The following NXPE2 variants were observed in gnomAD, a reference collection of about 807,000 sequenced individuals.
NXPE2 encodes NXPE family member 2.
NXPE2 carries 34 observed loss-of-function variants against 34.4 expected under a neutral mutation model. The ratio of observed to expected loss-of-function variants is 0.99; its 90% CI spans 0.75 to 1.31. NXPE2 has a LOEUF of 1.31. NXPE2 is among the 40% of genes most tolerant of loss of function. The pLI is 0.00. For synonymous variants in NXPE2, 235 were observed against 231.3 expected, an observed-to-expected ratio of 1.02 and a Z score of -0.15; for missense variants, 649 against 672.5, an observed-to-expected ratio of 0.97 and a Z score of 0.39.
the NXPE2 span, among the ~76,000 whole-genome samples, chr11:114,505,783 G>T: frequency 2.6e-5 from 4 of 152,144 alleles, no homozygotes; most frequent in Non-Finnish European, 5.9e-5. Context: ...GAAGTACACA[G>T]AGCAGTGACA....
chr11:114,495,993 A>C, the NXPE2 span, among the ~76,000 whole-genome samples: 1 of 152,140 alleles, frequency 6.6e-6, no homozygotes, highest in South Asian at 2.1e-4. Context: ...CAGATGACAC[A>C]AGCACTCTCC....
At chr11:114,756,225 A>G in the NXPE2 span, among the ~76,000 whole-genome samples, 1 of 152,180 alleles carries the variant, frequency 6.6e-6, no homozygotes, top group Non-Finnish European at 1.5e-5. Context: ...AGGCCACAGA[A>G]GGAGACGATA....
the NXPE2 span, among the ~76,000 whole-genome samples, chr11:114,597,446 T>C: frequency 6.6e-6 from 1 of 152,198 alleles, no homozygotes; most frequent in Non-Finnish European, 1.5e-5. Flanking sequence ...TATATTAAAA[T>C]TAACCTTGTG....
chr11:114,807,004 T>C, the NXPE2 span, among the ~76,000 whole-genome samples: 1 of 152,048 alleles, frequency 6.6e-6, no homozygotes. Context: ...CGCCAGAAAC[T>C]CTACGAGCCA....
chr11:114,650,573 G>A, the NXPE2 span, among the ~76,000 whole-genome samples: 1 of 151,066 alleles, frequency 6.6e-6, no homozygotes, highest in African/African-American at 2.4e-5. Flanking sequence ...CAGGAAGTGA[G>A]AAAAAATCTA....
At chr11:114,514,761 C>G in the NXPE2 span, among the ~76,000 whole-genome samples, 1 of 152,090 alleles carries the variant, frequency 6.6e-6, no homozygotes, top group African/African-American at 2.4e-5. Flanking sequence ...CTTTATTCAG[C>G]AGTGTTTATT....
the NXPE2 span, among the ~76,000 whole-genome samples, chr11:114,669,008 A>G: frequency 4.8e-4 from 73 of 152,216 alleles, 1 homozygote; most frequent in South Asian, 0.013. Context: ...AGTGGTAGCC[A>G]TGAGGAATGG....
At chr11:114,721,421 A>G in the NXPE2 span, among the ~76,000 whole-genome samples, 1 of 152,108 alleles carries the variant, frequency 6.6e-6, no homozygotes, top group South Asian at 2.1e-4. Flanking sequence ...GTTTGTAACT[A>G]TATGGATACA....
chr11:114,691,492 G>A (rs182596252), intron 2 of NXPE2, among the ~76,000 whole-genome samples: 1 of 152,244 alleles, frequency 6.6e-6, no homozygotes, highest in African/African-American at 2.4e-5. Flanking sequence ...GCAGCTAGGG[G>A]CAGGGGCAGA....
At chr11:114,601,626 ATTATTTATAATTATAT>A in the NXPE2 span, among the ~76,000 whole-genome samples, 6 of 33,574 alleles carry the variant, frequency 1.8e-4, 1 homozygote, top group African/African-American at 5.4e-4. Context: ...TATATTATAT[ATTATTTATAATTATAT>A]ATAATTATAT....
the NXPE2 span, among the ~76,000 whole-genome samples, chr11:114,615,407 T>C: frequency 1.3e-5 from 2 of 151,552 alleles, no homozygotes; most frequent in African/African-American, 4.8e-5. Flanking sequence ...GTAACCACAG[T>C]TACCCTATGG....
chr11:114,663,586 C>CATCT, the NXPE2 span, among the ~76,000 whole-genome samples: 10,707 of 132,816 alleles, frequency 0.081, 576 homozygotes, highest in Middle Eastern at 0.12. Flanking sequence ...CTCTATCTAT[C>CATCT]ATCTATCTAT....
chr11:114,635,646 C>T, the NXPE2 span, among the ~76,000 whole-genome samples: 2 of 151,778 alleles, frequency 1.3e-5, no homozygotes, highest in African/African-American at 4.8e-5. Flanking sequence ...CCCATCAATA[C>T]CTAATTTATT....
the NXPE2 span, among the ~76,000 whole-genome samples, chr11:114,797,306 T>C: frequency 6.6e-6 from 1 of 152,064 alleles, no homozygotes; most frequent in Non-Finnish European, 1.5e-5. Flanking sequence ...TGACATGAAA[T>C]TAGAAAGGTG....
chr11:114,598,455 G>T, the NXPE2 span, among the ~76,000 whole-genome samples: 28 of 152,356 alleles, frequency 1.8e-4, no homozygotes, highest in Non-Finnish European at 3.8e-4. Flanking sequence ...CCTCCACACT[G>T]CCCTAGTAGA....
the NXPE2 span, chr11:114,554,338 C>T: frequency 2.0e-6 from 2 of 985,046 alleles, no homozygotes; most frequent in Non-Finnish European, 2.4e-6. Flanking sequence ...CTTTCCTCTT[C>T]CTACTTGTGT....
the NXPE2 span, chr11:114,582,667 C>G: frequency 6.2e-7 from 1 of 1,614,186 alleles, no homozygotes; most frequent in Non-Finnish European, 8.5e-7. Flanking sequence ...TTTCCTGAAG[C>G]ACCTGCCATC....
chr11:114,568,088 C>T, the NXPE2 span, among the ~76,000 whole-genome samples: 1 of 152,068 alleles, frequency 6.6e-6, no homozygotes, highest in African/African-American at 2.4e-5. Flanking sequence ...ATGGATTGCC[C>T]CTAGAAAGTG....
the NXPE2 span, among the ~76,000 whole-genome samples, chr11:114,603,331 T>A: frequency 6.6e-6 from 1 of 151,406 alleles, no homozygotes; most frequent in Admixed American, 6.6e-5. Context: ...TGATAAGTAT[T>A]GCCTCATCTC....
Sources: gnomAD v4.1 joint callset for allele counts (sites outside exome capture counted in the v4.1 genomes callset) on GRCh38, gnomAD v4.1.1 for gene constraint, MANE v1.5 for transcripts, NCBI Gene and HGNC (gene_info 2026-07-23, HGNC 2026-07-21) for gene names.